The following PCDHA9 variants were observed in gnomAD, a reference collection of about 807,000 sequenced individuals.
PCDHA9 encodes the protein protocadherin alpha 9, also known as protocadherin alpha-9.
A neutral mutation model predicts 62.0 loss-of-function variants in PCDHA9; 62 were observed. The observed-to-expected ratio is 1.00, with a 90% CI of 0.81 to 1.23. The LOEUF (loss-of-function observed/expected upper bound fraction) is 1.23, where lower values mean the gene tolerates loss of function less well. PCDHA9 is among the 50% of genes most tolerant of loss of function. PCDHA9 has a pLI of 0.00. For missense variants in PCDHA9, 1,205 were observed against 1,249.8 expected (o/e 0.96, Z 0.54); for synonymous variants, 557 against 567.6 (o/e 0.98, Z 0.27).
intron 1 of PCDHA9, chr5:140,884,153 G>T: frequency 6.2e-7 from 1 of 1,613,470 alleles, no homozygotes; most frequent in Non-Finnish European, 8.5e-7. Flanking sequence ...GCTGTACACT[G>T]GCGAGATCAG....
chr5:140,855,938 T>G, intron 1 of PCDHA9: 1 of 1,308,620 alleles, frequency 7.6e-7, no homozygotes, highest in South Asian at 1.5e-5. Context: ...CATTCTGAGA[T>G]CTCAGCCATT....
chr5:140,952,565 C>T (rs1255567969), intron 1 of PCDHA9, among the ~76,000 whole-genome samples: 3 of 152,142 alleles, frequency 2.0e-5, no homozygotes, highest in African/African-American at 4.8e-5. Flanking sequence ...ATCAGCACTT[C>T]GGTCCCAATC....
chr5:140,887,247 C>T (rs1302931456), intron 1 of PCDHA9, among the ~76,000 whole-genome samples: 1 of 152,016 alleles, frequency 6.6e-6, no homozygotes, highest in Non-Finnish European at 1.5e-5. Context: ...CCGGCGCCCG[C>T]CACCACGCCC....
intron 1 of PCDHA9, among the ~76,000 whole-genome samples, chr5:140,912,342 TA>T (rs1371454067): frequency 9.7e-5 from 12 of 123,478 alleles, no homozygotes; most frequent in African/African-American, 4.4e-4. Context: ...GTACACTAAG[TA>T]TTTTTTTTTT....
chr5:140,928,697 G>C, intron 1 of PCDHA9: 9 of 1,614,124 alleles, frequency 5.6e-6, no homozygotes, highest in Non-Finnish European at 5.9e-6. Context: ...CACATCTCCC[G>C]GGCGTCTGAC....
At chr5:140,896,114 G>A (rs1165904850) in intron 1 of PCDHA9, among the ~76,000 whole-genome samples, 1 of 152,030 alleles carries the variant, frequency 6.6e-6, no homozygotes, top group Non-Finnish European at 1.5e-5. Context: ...CCTGGCCAAT[G>A]TACTGCATTT....
chr5:140,941,462 C>T (rs1323217881), intron 1 of PCDHA9, among the ~76,000 whole-genome samples: 1 of 150,980 alleles, frequency 6.6e-6, no homozygotes, highest in Non-Finnish European at 1.5e-5. Context: ...ATTACAGGCG[C>T]CCACCACCAC....
At chr5:140,979,035 G>A in intron 2 of PCDHA9, 28 bp downstream of exon 2, 1 of 1,612,986 alleles carries the variant, frequency 6.2e-7, no homozygotes, top group Non-Finnish European at 8.5e-7. Flanking sequence ...CATTCACTCA[G>A]AAGTAACCTT....
rs185929013 is a variant in PCDHA9 at position 140,956,196 on chromosome 5, T to G, written c.2395-22753T>G. 2.6e-5 allele frequency among the ~76,000 whole-genome samples: 4 copies of G among 152,188 alleles called. No homozygotes were observed. In the East Asian group the frequency reaches 7.7e-4, roughly 29 times the overall value. On this transcript the variant is annotated intron_variant, in intron 1 of 3. Coordinates refer to ENST00000532602, the MANE Select transcript of PCDHA9 (RefSeq NM_031857.2). The stretch of plus-strand genomic sequence containing the variant: ...CTTCCAATACTATGCTGAATAGGAG[T>G]GGTGAAAGAGGGCATCCTTGTCTTG...
chr5:140,997,384 A>T (rs2097769179), intron 3 of PCDHA9, among the ~76,000 whole-genome samples: 1 of 152,198 alleles, frequency 6.6e-6, no homozygotes, highest in South Asian at 2.1e-4. Context: ...AGCATACTAC[A>T]CACTTAGGCT....
chr5:140,851,723 G>A lies in PCDHA9; in HGVS notation c.2394+834G>A, dbSNP rs1581264682. 7 of 966,358 alleles carry A rather than the reference G, an allele frequency of 7.2e-6. 1 individual carries two copies. In the South Asian group the frequency reaches 1.4e-4, roughly 20 times the overall value. 59.9% of individuals were successfully genotyped at this position (966,358 alleles called of 1,614,324 possible). A position where few individuals can be genotyped will look rare whatever the true frequency, so the allele number is the denominator to read the frequency against. ...CAGCCATGTGAAGATTCGAAACTTC[G>A]AGTTCTTTTGAAATTCAGAGTCTGT... On this transcript the variant is annotated intron_variant, in intron 1 of 3. Transcript: ENST00000532602.
chr5:140,937,644 G>A (rs1554211697), intron 1 of PCDHA9, among the ~76,000 whole-genome samples: 1 of 151,048 alleles, frequency 6.6e-6, no homozygotes, highest in African/African-American at 2.4e-5. Flanking sequence ...AGGGCATGGT[G>A]GCTCACGCCT....
intron 1 of PCDHA9, chr5:140,877,011 G>T: frequency 2.5e-6 from 4 of 1,612,512 alleles, no homozygotes. Flanking sequence ...TGCACGCGGA[G>T]AGCGGCAAGG....
intron 1 of PCDHA9, chr5:140,852,590 T>A (rs2042399836): frequency 1.1e-6 from 1 of 893,664 alleles, no homozygotes; most frequent in African/African-American, 1.8e-5. Context: ...TTATTTTTTT[T>A]TTTTGTCATT....
At chr5:140,947,767 C>A (rs1585277827) in intron 1 of PCDHA9, among the ~76,000 whole-genome samples, 1 of 151,486 alleles carries the variant, frequency 6.6e-6, no homozygotes, top group East Asian at 1.9e-4. Context: ...TTAAAAAATT[C>A]TATTGTAAAT....
rs2150422105 is a variant in PCDHA9 at position 140,848,832 on chromosome 5, C to G, written c.337C>G (p.Pro113Ala). Residue 113 changes from proline to alanine, a missense_variant, in exon 1 of 4, where the codon CCG becomes GCG. Pro to Ala is a conservative substitution (Grantham distance 27). Transcript: ENST00000532602. ...SIHLEVIVDR[P>A]LQVFHVDVEV... ...CCACCTGGAGGTGATCGTAGACAGG[C>G]CGCTGCAGGTTTTCCATGTGGACGT... is the stretch of plus-strand genomic sequence containing the variant. 3.8e-6 allele frequency: 6 copies of G among 1,590,118 alleles called. 1 individual carries two copies. Among genetic ancestry groups the G allele is most frequent in the Non-Finnish European group, 5.2e-6 (6 of 1,161,950 alleles).
intron 1 of PCDHA9, chr5:140,871,036 C>T: frequency 6.2e-7 from 1 of 1,613,274 alleles, no homozygotes; most frequent in Non-Finnish European, 8.5e-7. Context: ...GCCGCGCCAC[C>T]GACTTCTAGT....
In PCDHA9 at chr5:141,011,207, G is replaced by A. The variant is rs79928365; in HGVS notation, c.*1270G>A. On this transcript the variant is annotated 3_prime_UTR_variant, in exon 4 of 4. Coordinates refer to ENST00000532602, the MANE Select transcript of PCDHA9 (RefSeq NM_031857.2). Reference sequence around the variant, plus strand: ...GAAAAATATTGTTTTCTCATACAGTGAGCAGATTTTTCAATCTACTAATTC... The same window carrying A: ...GAAAAATATTGTTTTCTCATACAGTAAGCAGATTTTTCAATCTACTAATTC... 325 of 153,804 alleles carry A rather than the reference G, an allele frequency of 2.1e-3. 2 individuals are homozygous for A. The highest frequency in any genetic ancestry group is 7.1e-3 in the African/African-American group (293 of 41,546). 9.5% of individuals were successfully genotyped at this position (153,804 alleles called of 1,614,324 possible). A position where few individuals can be genotyped will look rare whatever the true frequency, so the allele number is the denominator to read the frequency against.
At chr5:140,926,771 A>G in intron 1 of PCDHA9, 3 of 1,372,492 alleles carry the variant, frequency 2.2e-6, no homozygotes, top group Admixed American at 3.2e-5. Context: ...TCCAGCCCGC[A>G]GCAGTGACGG....
Sources: allele counts gnomAD v4.1 joint callset (sites outside exome capture counted in the v4.1 genomes callset), GRCh38; gene constraint gnomAD v4.1.1; transcripts MANE v1.5; gene names NCBI Gene and HGNC (gene_info 2026-07-23, HGNC 2026-07-21).